Variants in BTG4 observed in about 807,000 individuals in gnomAD.
The protein encoded by BTG4 is BTG anti-proliferation factor 4, also known as protein BTG4.
A neutral mutation model predicts 19.3 loss-of-function variants in BTG4; 10 were observed. That is an observed-to-expected ratio of 0.52 (90% CI 0.32 to 0.88). The LOEUF (loss-of-function observed/expected upper bound fraction) is 0.88. BTG4 is among the 40% of genes least tolerant of loss of function. The pLI is 0.04. For synonymous variants in BTG4, 91 were observed against 95.7 expected (o/e 0.95, Z 0.29); for missense variants, 238 against 281.9 (o/e 0.84, Z 1.11).
intron 5 of BTG4, among the ~76,000 whole-genome samples, chr11:111,469,578 A>C (rs1448910739): frequency 3.9e-5 from 6 of 152,226 alleles, no homozygotes; most frequent in Admixed American, 3.9e-4. Flanking sequence ...TCCTATGAGC[A>C]CAGCATCTCA....
the BTG4 span, among the ~76,000 whole-genome samples, chr11:111,437,303 G>T: frequency 2.6e-5 from 4 of 152,078 alleles, no homozygotes; most frequent in Non-Finnish European, 5.9e-5. Context: ...TGGAATGGAG[G>T]AGATCATTCT....
the BTG4 span, among the ~76,000 whole-genome samples, chr11:111,428,036 G>A: frequency 6.6e-6 from 1 of 152,166 alleles, no homozygotes; most frequent in South Asian, 2.1e-4. Context: ...ACAAAGCAAG[G>A]ATGAAGTTAT....
chr11:111,484,167 C>T (rs1003429352), intron 5 of BTG4, among the ~76,000 whole-genome samples: 1 of 151,814 alleles, frequency 6.6e-6, no homozygotes, highest in South Asian at 2.1e-4. Context: ...CATAGAAAAA[C>T]AAAAGCTGAG....
At chr11:111,491,455 TA>T (rs1476448050), downstream of BTG4, among the ~76,000 whole-genome samples, 1 of 152,064 alleles carries the variant, frequency 6.6e-6, no homozygotes, top group Non-Finnish European at 1.5e-5. Flanking sequence ...AAAATTTTTT[TA>T]AAAAGAGAAG....
In BTG4 at chr11:111,476,654, T is replaced by C. The variant is rs1400331231; in HGVS notation, c.663-8973A>G. On this transcript the variant is annotated intron_variant, in intron 5 of 5. Coordinates refer to the BTG4 transcript ENST00000356018. ...ATTAGACAGCCTTAAAAATACCTCATTAGTTACCATTTTGATTGAAATCGT... is the reference window on the plus strand; with the variant it reads ...ATTAGACAGCCTTAAAAATACCTCACTAGTTACCATTTTGATTGAAATCGT... Among the ~76,000 whole-genome samples the C allele has an allele frequency of 4.6e-5, 7 of 152,254 alleles. No homozygotes were observed. The South Asian group carries it at 1.4e-3, about 32-fold the overall frequency.
At chr11:111,397,080 C>T in the BTG4 span, 3 of 152,198 alleles carry the variant, frequency 2.0e-5, no homozygotes, top group Non-Finnish European at 4.4e-5. Context: ...ACATTTTAAT[C>T]TTCTAATTTC....
intron 1 of BTG4, among the ~76,000 whole-genome samples, chr11:111,511,002 G>T (rs1454235440): frequency 1.3e-5 from 2 of 152,172 alleles, no homozygotes; most frequent in Non-Finnish European, 2.9e-5. Context: ...TCCTAACCAA[G>T]ATTTCTCTAA....
intron 1 of BTG4, among the ~76,000 whole-genome samples, chr11:111,509,680 G>A (rs1330582280): frequency 2.0e-5 from 3 of 150,966 alleles, no homozygotes; most frequent in Admixed American, 6.6e-5. Context: ...TGGGCAATAA[G>A]AGCAAAACTC....
the BTG4 span, among the ~76,000 whole-genome samples, chr11:111,387,647 C>T: frequency 4.5e-4 from 69 of 152,308 alleles, 1 homozygote; most frequent in African/African-American, 1.6e-3. Context: ...AGGCAGCTGG[C>T]AAGTGTCCAT....
chr11:111,396,935 AG>A, the BTG4 span: 3 of 152,356 alleles, frequency 2.0e-5, no homozygotes, highest in Admixed American at 6.5e-5. Flanking sequence ...ATTTTCAATT[AG>A]TATAGGTTGA....
chr11:111,484,485 G>T (rs1864933745), intron 5 of BTG4, among the ~76,000 whole-genome samples: 2 of 152,166 alleles, frequency 1.3e-5, no homozygotes, highest in South Asian at 4.2e-4. Context: ...GTGAAAGCAG[G>T]GGGTAGGGAG....
At chr11:111,428,461 G>T in the BTG4 span, among the ~76,000 whole-genome samples, 4 of 152,122 alleles carry the variant, frequency 2.6e-5, no homozygotes, top group Non-Finnish European at 4.4e-5. Flanking sequence ...AGAGCCTCCA[G>T]TCAGGGACCT....
At chr11:111,506,784 T>C (rs541434258) in intron 1 of BTG4, among the ~76,000 whole-genome samples, 142 of 152,064 alleles carry the variant, frequency 9.3e-4, no homozygotes, top group Non-Finnish European at 1.9e-3. Flanking sequence ...TACTCTCTTA[T>C]TAATGGAACA....
chr11:111,409,897 A>G, the BTG4 span, among the ~76,000 whole-genome samples: 458 of 152,352 alleles, frequency 3.0e-3, 6 homozygotes, highest in African/African-American at 0.01. Context: ...GAATAAGCTA[A>G]TGTATTGGAG....
chr11:111,387,206 A>G, the BTG4 span, among the ~76,000 whole-genome samples: 55 of 152,240 alleles, frequency 3.6e-4, no homozygotes, highest in African/African-American at 1.2e-3. Flanking sequence ...AACTTTACCA[A>G]TTTCTAGTTT....
intron 5 of BTG4, among the ~76,000 whole-genome samples, chr11:111,474,848 G>T (rs756896356): frequency 1.3e-4 from 20 of 152,000 alleles, no homozygotes; most frequent in Non-Finnish European, 2.4e-4. Context: ...TCTGGTGTGT[G>T]GTATCTCAAT....
the BTG4 span, among the ~76,000 whole-genome samples, chr11:111,440,642 C>T: frequency 6.6e-6 from 1 of 152,228 alleles, no homozygotes; most frequent in Non-Finnish European, 1.5e-5. Context: ...TGCTGCCAGA[C>T]CTAGATCTGC....
chr11:111,491,909 T>C (rs1404604320), downstream of BTG4, among the ~76,000 whole-genome samples: 2 of 151,340 alleles, frequency 1.3e-5, no homozygotes, highest in Non-Finnish European at 2.9e-5. Context: ...ATTGACTACT[T>C]TTTATCACAA....
the BTG4 span, among the ~76,000 whole-genome samples, chr11:111,454,659 G>C: frequency 6.6e-6 from 1 of 152,184 alleles, no homozygotes; most frequent in Non-Finnish European, 1.5e-5. Flanking sequence ...GCCCAACTAG[G>C]TGAGCAAATT....
Sources: allele counts gnomAD v4.1 joint callset (sites outside exome capture counted in the v4.1 genomes callset), GRCh38; gene constraint gnomAD v4.1.1; transcripts MANE v1.5; gene names NCBI Gene and HGNC (gene_info 2026-07-23, HGNC 2026-07-21).